DMD: variants seen among roughly 807,000 people sequenced by gnomAD.
DMD encodes the protein mutant dystrophin.
A neutral mutation model predicts 330.1 loss-of-function variants in DMD; 63 were observed. The observed-to-expected ratio is 0.19, with a 90% CI of 0.16 to 0.24. The LOEUF (loss-of-function observed/expected upper bound fraction) is 0.24, where lower values mean the gene tolerates loss of function less well. DMD is among the 10% of genes least tolerant of loss of function. DMD has a pLI of 1.00. For synonymous variants in DMD, 1,223 were observed against 959.8 expected (o/e 1.27, Z -5.07); for missense variants, 3,344 against 2,684.1 (o/e 1.25, Z -5.43).
chrX:33,024,667 G>C (rs1468654383), intron 1 of DMD, among the ~76,000 whole-genome samples: 1 of 111,038 alleles, frequency 9.0e-6, no homozygotes, highest in Admixed American at 9.6e-5. Context: ...ATATTCCTTA[G>C]TCCCTCAGGA....
intron 60 of DMD, among the ~76,000 whole-genome samples, chrX:31,380,034 A>G (rs747883123): frequency 9.0e-6 from 1 of 110,988 alleles, no homozygotes; most frequent in Non-Finnish European, 1.9e-5. Context: ...ATCTTCAGGT[A>G]ACTCTCACAG....
At chrX:31,867,378 G>C (rs908854371) in intron 48 of DMD, among the ~76,000 whole-genome samples, 1 of 110,283 alleles carries the variant, frequency 9.1e-6, no homozygotes, top group South Asian at 3.7e-4. Context: ...ATTTATTTTT[G>C]AAATCTTTTA....
intron 2 of DMD, among the ~76,000 whole-genome samples, chrX:33,010,136 A>C (rs1393305188): frequency 1.0e-5 from 1 of 99,701 alleles, no homozygotes; most frequent in African/African-American, 3.9e-5. Context: ...ATATATGTAT[A>C]TATACGTGTA....
At chrX:33,189,600 C>CT (rs2050430826) in intron 1 of DMD, among the ~76,000 whole-genome samples, 1 of 110,379 alleles carries the variant, frequency 9.1e-6, no homozygotes, top group African/African-American at 3.3e-5. Context: ...TTCAGGAAGA[C>CT]TTATCCCTGA....
At chrX:32,074,148 A>G (rs1045920857) in intron 44 of DMD, among the ~76,000 whole-genome samples, 5 of 111,595 alleles carry the variant, frequency 4.5e-5, no homozygotes, top group African/African-American at 1.6e-4. Flanking sequence ...TCTAAATGCT[A>G]GCCATAGAAA....
At chrX:33,012,114 G>A in intron 2 of DMD, among the ~76,000 whole-genome samples, 1 of 111,835 alleles carries the variant, frequency 8.9e-6, no homozygotes, top group Non-Finnish European at 1.9e-5. Context: ...TTAACAATAA[G>A]TGATTTGTCT....
chrX:32,596,140 C>A (rs1221567605), intron 12 of DMD, among the ~76,000 whole-genome samples: 1 of 110,756 alleles, frequency 9.0e-6, no homozygotes, highest in African/African-American at 3.3e-5. Context: ...ATCCCACCCC[C>A]TTTCTCCCTT....
intron 42 of DMD, among the ~76,000 whole-genome samples, chrX:32,308,467 T>A (rs917961592): frequency 4.2e-4 from 46 of 110,691 alleles, no homozygotes; most frequent in African/African-American, 1.5e-3. Context: ...AAGACTGAGC[T>A]CAAAACTATC....
chrX:33,243,530 T>C (rs1330052170), intron 1 of DMD, among the ~76,000 whole-genome samples: 3 of 111,879 alleles, frequency 2.7e-5, no homozygotes, highest in African/African-American at 6.5e-5. Context: ...CCATTTGATA[T>C]AGTATTCTCA....
chrX:31,582,975 A>C (rs1669739816), intron 55 of DMD, among the ~76,000 whole-genome samples: 1 of 112,375 alleles, frequency 8.9e-6, no homozygotes, highest in Non-Finnish European at 1.9e-5. Flanking sequence ...TCTGAAATAG[A>C]GAATAGAGGC....
intron 1 of DMD, among the ~76,000 whole-genome samples, chrX:33,232,927 G>T (rs966012838): frequency 2.7e-5 from 3 of 111,233 alleles, no homozygotes; most frequent in Non-Finnish European, 5.6e-5. Context: ...CAGAAATGGC[G>T]GAAGGGTCCT....
intron 34 of DMD, among the ~76,000 whole-genome samples, chrX:32,375,439 G>A (rs1303826714): frequency 8.9e-6 from 1 of 111,795 alleles, no homozygotes; most frequent in Admixed American, 9.5e-5. Context: ...TAATTACTAA[G>A]CGTTATCTTA....
At chrX:33,128,011 C>G in intron 1 of DMD, 1 of 1,146,556 alleles carries the variant, frequency 8.7e-7, no homozygotes, top group Non-Finnish European at 1.2e-6. Flanking sequence ...GCATATGGAA[C>G]AGGAGTCATC....
intron 30 of DMD, among the ~76,000 whole-genome samples, chrX:32,408,873 T>C (rs1440579742): frequency 1.0e-5 from 1 of 98,244 alleles, no homozygotes; most frequent in Admixed American, 1.1e-4. Context: ...TTCATCTATC[T>C]ATCTATCTAT....
At chrX:31,176,265 C>G (rs932606150) in intron 71 of DMD, among the ~76,000 whole-genome samples, 1 of 111,502 alleles carries the variant, frequency 9.0e-6, no homozygotes, top group Non-Finnish European at 1.9e-5. Flanking sequence ...CTAACCAACT[C>G]TTCATAAAAA....
intron 32 of DMD, among the ~76,000 whole-genome samples, chrX:32,387,061 A>T (rs887159848): frequency 9.0e-6 from 1 of 111,164 alleles, no homozygotes; most frequent in Non-Finnish European, 1.9e-5. Context: ...ATGTTAATTA[A>T]ATTACACAAC....
chrX:32,612,132 T>C (rs2057226217), intron 12 of DMD, among the ~76,000 whole-genome samples: 1 of 111,553 alleles, frequency 9.0e-6, no homozygotes, highest in South Asian at 3.7e-4. Context: ...GAAGTTACCC[T>C]GTGGATACCT....
chrX:31,519,308 G>A (rs1301721969), intron 55 of DMD, among the ~76,000 whole-genome samples: 1 of 112,037 alleles, frequency 8.9e-6, no homozygotes, highest in Non-Finnish European at 1.9e-5. Flanking sequence ...GAATCACTGT[G>A]GTTCAAGGTT....
chrX:32,018,453 T>C (rs1028463757), intron 44 of DMD, among the ~76,000 whole-genome samples: 4 of 111,487 alleles, frequency 3.6e-5, no homozygotes, highest in African/African-American at 1.3e-4. Context: ...TCCTTTCATC[T>C]GAAGACACAT....
Sources: gnomAD v4.1 joint callset for allele counts (sites outside exome capture counted in the v4.1 genomes callset) on GRCh38, gnomAD v4.1.1 for gene constraint, MANE v1.5 for transcripts, NCBI Gene and HGNC (gene_info 2026-07-23, HGNC 2026-07-21) for gene names.